The following TMEM229B variants were observed in gnomAD, a reference collection of about 807,000 sequenced individuals.
TMEM229B encodes the protein transmembrane protein 229B, also known as chromosome 14 open reading frame 83.
In TMEM229B, 6 loss-of-function variants were observed where a neutral mutation model predicts 13.7. The observed-to-expected ratio is 0.44, with a 90% CI of 0.24 to 0.86. The LOEUF (loss-of-function observed/expected upper bound fraction) is 0.86. Among genes scored for constraint, TMEM229B ranks in the 40% least tolerant of loss-of-function variants. TMEM229B has a pLI of 0.23. For missense variants in TMEM229B, 170 were observed against 236.0 expected, an observed-to-expected ratio of 0.72 and a Z score of 1.83; for synonymous variants, 107 against 102.1, an observed-to-expected ratio of 1.05 and a Z score of -0.29.
intron 1 of TMEM229B, among the ~76,000 whole-genome samples, chr14:67,513,578 G>A (rs568230096): frequency 2.0e-5 from 3 of 152,326 alleles, no homozygotes; most frequent in African/African-American, 7.2e-5. Context: ...CAAAGCCCCT[G>A]ATGGGGGCTA....
chr14:67,495,478 C>G (rs1024048801), intron 1 of TMEM229B, among the ~76,000 whole-genome samples: 4 of 152,000 alleles, frequency 2.6e-5, no homozygotes, highest in Non-Finnish European at 4.4e-5. Flanking sequence ...TAAATCACAG[C>G]CTTCTGGATT....
chr14:67,522,865 C>T lies in TMEM229B; in HGVS notation c.-192+10771G>A, dbSNP rs571048048. On this transcript the variant is annotated intron_variant, in intron 1 of 2. Coordinates refer to the TMEM229B transcript ENST00000554278. ...CCTGGACCTGCTAGAACCCTGCCAC[C>T]TTCAGGAAAGGCTGCAGAAGCCCAA... Among the ~76,000 whole-genome samples the T allele has an allele frequency of 5.9e-5, 9 of 152,336 alleles. No individual in the cohort carries two copies. In the South Asian group the frequency reaches 1.9e-3, roughly 32 times the overall value.
At chr14:67,476,624 T>C (rs1359467421) in intron 2 of TMEM229B, among the ~76,000 whole-genome samples, 4 of 151,998 alleles carry the variant, frequency 2.6e-5, no homozygotes, top group East Asian at 1.9e-4. Context: ...AAAAGATTCA[T>C]GTGAAGGTCA....
intron 2 of TMEM229B, 77 bp from the exon 3 acceptor site, chr14:67,474,018 C>T (rs1468771032): frequency 2.1e-6 from 3 of 1,423,954 alleles, no homozygotes; most frequent in Non-Finnish European, 2.8e-6. Context: ...TTTGGGAGGC[C>T]GAGGCGGCGG....
At chr14:67,499,051 G>A (rs2032504948) in intron 1 of TMEM229B, among the ~76,000 whole-genome samples, 1 of 151,880 alleles carries the variant, frequency 6.6e-6, no homozygotes, top group South Asian at 2.1e-4. Context: ...TGCCCAGGCT[G>A]GAGTTCAGTG....
At chr14:67,479,610 C>T (rs1487719656) in intron 2 of TMEM229B, among the ~76,000 whole-genome samples, 2 of 151,796 alleles carry the variant, frequency 1.3e-5, no homozygotes, top group African/African-American at 2.4e-5. Flanking sequence ...CCCAGCTACT[C>T]GGGAGGCTGA....
Position 67,473,744 on chromosome 14 carries a change from C to A in TMEM229B, c.180G>T (p.Val60=). Reference sequence around the variant, plus strand: ...CGCGCAGCCGCAGGTACATGCGCTCCACGATGAGGATGGAGGTGCCGTAGA... The same window carrying A: ...CGCGCAGCCGCAGGTACATGCGCTCAACGATGAGGATGGAGGTGCCGTAGA... ...LFIYGTSILI[V]ERMYLRLRGR... is the part of the protein sequence containing the mutation. Residue 60 remains valine, a synonymous_variant, in exon 3 of 3, where the codon GTG becomes GTT. Transcript: ENST00000554480. This position sits in a 1 kb window ranked among gnomAD's most constrained non-coding sequence, Gnocchi z 6.5. 1.9e-6 allele frequency: 3 copies of A among 1,613,264 alleles called. No homozygotes were observed. Among genetic ancestry groups the A allele is most frequent in the Non-Finnish European group, 2.5e-6 (3 of 1,179,686 alleles).
chr14:67,512,269 G>C lies in TMEM229B; in HGVS notation c.-192+2817C>G, dbSNP rs567392792. Among the ~76,000 whole-genome samples, 596 of 152,198 alleles carry C rather than the reference G, an allele frequency of 3.9e-3. 2 individuals carry two copies. The highest frequency in any genetic ancestry group is 6.5e-3 in the Admixed American group (100 of 15,276). On this transcript the variant is annotated intron_variant, in intron 1 of 2. Transcript: ENST00000357461. The stretch of plus-strand genomic sequence containing the variant: ...GTGCCCCCCTCCTACCCCTTCCCTA[G>C]AAATCAGCTTACACTTTACTTTTCA...
rs1594669733 is a variant in TMEM229B at position 67,472,100 on chromosome 14, T to C, written c.*1320A>G. On this transcript the variant is annotated 3_prime_UTR_variant, in exon 3 of 3. Coordinates refer to ENST00000554480, the MANE Select transcript of TMEM229B (RefSeq NM_001348543.2). ...GGCAGGGTTAATACTGTTTAAGGAG[T>C]GAGCTCAAAGGGTCAGCCTTGCTGG... The C allele has an allele frequency of 6.6e-6, 1 of 152,012 alleles. No homozygotes were observed. 9.4% of individuals were successfully genotyped at this position (152,012 alleles called of 1,614,324 possible).
At chr14:67,505,365 C>T (rs1339035037) in intron 1 of TMEM229B, among the ~76,000 whole-genome samples, 5 of 152,118 alleles carry the variant, frequency 3.3e-5, no homozygotes, top group African/African-American at 7.2e-5. Context: ...GATGTCTGTC[C>T]CCTGCAACTG....
At chr14:67,493,075 GAAA>G (rs1431697560), upstream of TMEM229B, among the ~76,000 whole-genome samples, 1 of 152,190 alleles carries the variant, frequency 6.6e-6, no homozygotes, top group Non-Finnish European at 1.5e-5. Context: ...AGAACTTTGG[GAAA>G]AGCATTCCAG....
At chr14:67,490,150 C>A (rs1310425916), upstream of TMEM229B, among the ~76,000 whole-genome samples, 1 of 152,140 alleles carries the variant, frequency 6.6e-6, no homozygotes, top group Non-Finnish European at 1.5e-5. Flanking sequence ...TGTTACTAAT[C>A]AAACATAGCA....
rs562475533 is a variant in TMEM229B at position 67,473,406 on chromosome 14, C to A, written c.*14G>T. ...TTCCATGAGAGATCCCCAGGCCCCC[C>A]ACCCGCTTCCTGCTCAGTCAGTCTT... On this transcript the variant is annotated 3_prime_UTR_variant, in exon 3 of 3. Transcript: ENST00000554480. The surrounding 1 kb of genome is among the most constrained non-coding windows in gnomAD (Gnocchi z 6.5). The A allele has an allele frequency of 1.9e-6, 3 of 1,610,700 alleles. No homozygotes were observed. Among genetic ancestry groups the A allele is most frequent in the African/African-American group, 2.7e-5 (2 of 74,964 alleles).
At chr14:67,480,079 G>A (rs1398558093) in intron 2 of TMEM229B, among the ~76,000 whole-genome samples, 1 of 152,190 alleles carries the variant, frequency 6.6e-6, no homozygotes, top group Non-Finnish European at 1.5e-5. Flanking sequence ...GCTGTTGTGA[G>A]GACGAATGAA....
At chr14:67,523,799 A>G (rs951428414) in intron 1 of TMEM229B, among the ~76,000 whole-genome samples, 1 of 152,346 alleles carries the variant, frequency 6.6e-6, no homozygotes, top group East Asian at 1.9e-4. Flanking sequence ...CCCTCAGCAA[A>G]GAACAGACGT....
chr14:67,532,100 T>C (rs2033478087), intron 1 of TMEM229B, among the ~76,000 whole-genome samples: 1 of 152,148 alleles, frequency 6.6e-6, no homozygotes, highest in African/African-American at 2.4e-5. Flanking sequence ...AGTTCAGCCA[T>C]TGAAGTCCCA....
At chr14:67,504,138 T>A (rs1041490255) in intron 1 of TMEM229B, among the ~76,000 whole-genome samples, 1 of 151,790 alleles carries the variant, frequency 6.6e-6, no homozygotes, top group African/African-American at 2.4e-5. Context: ...CTCAACCTCC[T>A]GAGTAGCTGG....
chr14:67,517,344 G>A (rs929924627), upstream of TMEM229B, among the ~76,000 whole-genome samples: 2 of 152,208 alleles, frequency 1.3e-5, no homozygotes, highest in African/African-American at 2.4e-5. Flanking sequence ...GAAAGGCTTC[G>A]GAAGATCTGA....
chr14:67,504,920 C>G (rs2032764585), intron 1 of TMEM229B, among the ~76,000 whole-genome samples: 1 of 149,346 alleles, frequency 6.7e-6, no homozygotes, highest in Non-Finnish European at 1.5e-5. Context: ...AACAAAAACA[C>G]AATAGAACAC....
Sources: allele counts gnomAD v4.1 joint callset (sites outside exome capture counted in the v4.1 genomes callset), GRCh38; gene constraint gnomAD v4.1.1; non-coding constraint Gnocchi (gnomAD v3.1); transcripts MANE v1.5; gene names NCBI Gene and HGNC (gene_info 2026-07-23, HGNC 2026-07-21).